Variants in HDHD2 observed in about 807,000 individuals in gnomAD.
The protein encoded by HDHD2 is haloacid dehalogenase like hydrolase domain containing 2.
In HDHD2, 26 loss-of-function variants were observed where a neutral mutation model predicts 24.8. The observed-to-expected ratio is 1.05, with a 90% CI of 0.77 to 1.45. The LOEUF is 1.45. HDHD2 is among the 40% of genes most tolerant of loss of function. The pLI is 0.00. For synonymous variants in HDHD2, 128 were observed against 114.9 expected, an observed-to-expected ratio of 1.11 and a Z score of -0.73; for missense variants, 299 against 313.4, an observed-to-expected ratio of 0.95 and a Z score of 0.35.
chr18:47,146,229 C>CAAAA (rs61430354), intron 1 of HDHD2, among the ~76,000 whole-genome samples: 1 of 58,942 alleles, frequency 1.7e-5, no homozygotes, highest in African/African-American at 5.9e-5. Context: ...GAATGTGTCT[C>CAAAA]AAAAAAAAAA....
chr18:47,142,241 A>G (rs550305025), intron 1 of HDHD2, among the ~76,000 whole-genome samples: 52 of 151,988 alleles, frequency 3.4e-4, no homozygotes, highest in Admixed American at 1.5e-3. Context: ...ATATGAAATT[A>G]AAGTTTTAGT....
chr18:47,134,771 T>C (rs1863268710), intron 2 of HDHD2, 67 bp from the exon 3 acceptor site: 2 of 1,322,666 alleles, frequency 1.5e-6, no homozygotes, highest in South Asian at 1.3e-5. Context: ...AATCTCCTAA[T>C]TTGTTAAAAC....
intron 4 of HDHD2, among the ~76,000 whole-genome samples, chr18:47,116,030 A>T (rs2063555899): frequency 1.3e-5 from 2 of 152,172 alleles, no homozygotes; most frequent in Admixed American, 6.5e-5. Context: ...AGACAAAAGG[A>T]CATAAAGAGT....
intron 1 of HDHD2, chr18:47,137,265 C>T: frequency 7.4e-6 from 4 of 540,578 alleles, no homozygotes; most frequent in South Asian, 7.1e-5. Flanking sequence ...GCTGAAGATA[C>T]AATGGATGTG....
At chr18:47,124,275 G>C (rs2063635275) in intron 4 of HDHD2, among the ~76,000 whole-genome samples, 1 of 152,100 alleles carries the variant, frequency 6.6e-6, no homozygotes, top group Non-Finnish European at 1.5e-5. Flanking sequence ...CAAAACAGAA[G>C]AAAATACTGA....
At position 47,108,126 on chromosome 18, in the gene HDHD2, A is replaced by T. The variant is rs1303443376; in HGVS notation, c.*556T>A. 6.5e-6 allele frequency: 1 copy of T among 152,676 alleles called. No homozygotes were observed. Among genetic ancestry groups the T allele is most frequent in the Admixed American group, 6.5e-5 (1 of 15,290 alleles). The allele number at this position is 152,676 out of a possible 1,614,324, so 9.5% of individuals were successfully genotyped here. On this transcript the variant is annotated 3_prime_UTR_variant, in exon 7 of 7. Coordinates refer to ENST00000300605, the MANE Select transcript of HDHD2 (RefSeq NM_032124.5). ...CACCCGTGCTGGGAATACAGTAGAAAATTTAGTTTTCAACATCTGTTAAAG... is the reference window on the plus strand; with the variant it reads ...CACCCGTGCTGGGAATACAGTAGAATATTTAGTTTTCAACATCTGTTAAAG...
chr18:47,132,280 TTTAA>T (rs2063720772), intron 3 of HDHD2, among the ~76,000 whole-genome samples: 1 of 152,216 alleles, frequency 6.6e-6, no homozygotes. Flanking sequence ...TTCATCATTA[TTTAA>T]TTTTCAGCTA....
In HDHD2 at chr18:47,139,464, C is replaced by CAAAA. The variant is rs760347919; in HGVS notation, c.-10-3019_-10-3016dup. 5.2e-4 allele frequency among the ~76,000 whole-genome samples: 26 copies of CAAAA among 50,470 alleles called. 1 individual carries two copies. The highest frequency in any genetic ancestry group is 1.9e-3 in the African/African-American group (25 of 13,250). The allele number at this position is 50,470 out of a possible 152,430, so 33.1% of individuals were successfully genotyped here. On this transcript the variant is annotated intron_variant, in intron 1 of 6. Coordinates refer to ENST00000300605, the MANE Select transcript of HDHD2 (RefSeq NM_032124.5). ...TGGGTGACAGAGCGAGACTCTGTCT[C>CAAAA]AAAAAAAAAAAAAAAAAAAAAAAAA...
chr18:47,110,438 A>G (rs1283308379), intron 6 of HDHD2: 1 of 985,280 alleles, frequency 1.0e-6, no homozygotes, highest in Non-Finnish European at 1.2e-6. Context: ...CAAGGTTTCT[A>G]TTTGATCTTA....
intron 6 of HDHD2, 35 bp downstream of exon 6, chr18:47,112,942 T>C: frequency 6.4e-7 from 1 of 1,556,994 alleles, no homozygotes; most frequent in African/African-American, 1.4e-5. Flanking sequence ...TCTACTATTC[T>C]GTTTTAGAAA....
Position 47,107,823 on chromosome 18 carries a change from T to C in HDHD2, c.*859A>G, listed in dbSNP as rs1022998727. The stretch of plus-strand genomic sequence containing the variant: ...TGAAATCTTGCAAATGTACAGTTAA[T>C]AGGACCCTAGTGGACACTAACTTCA... On this transcript the variant is annotated 3_prime_UTR_variant, in exon 7 of 7. Coordinates refer to ENST00000300605, the MANE Select transcript of HDHD2 (RefSeq NM_032124.5). The C allele has an allele frequency of 6.6e-6, 1 of 152,638 alleles. No individual in the cohort carries two copies. The highest frequency in any genetic ancestry group is 1.5e-5 in the Non-Finnish European group (1 of 68,026). The allele number at this position is 152,638 out of a possible 1,614,324, so 9.5% of individuals were successfully genotyped here.
intron 4 of HDHD2, 110 bp from the exon 5 acceptor site, chr18:47,115,458 T>C (rs2063551253): frequency 3.0e-6 from 2 of 666,614 alleles, no homozygotes; most frequent in Non-Finnish European, 5.1e-6. Flanking sequence ...CAGAAACAAA[T>C]AGTTTCTTAT....
intron 3 of HDHD2, among the ~76,000 whole-genome samples, chr18:47,132,725 C>T (rs1004780156): frequency 6.6e-6 from 1 of 152,226 alleles, no homozygotes; most frequent in African/African-American, 2.4e-5. Context: ...TGCCATTGCA[C>T]TCTAAGTATC....
Position 47,130,168 on chromosome 18 carries a change from C to T in HDHD2, c.395+76G>A, listed in dbSNP as rs1246594883. 7.9e-6 allele frequency: 7 copies of T among 882,798 alleles called. No homozygotes were observed. In the East Asian group the frequency reaches 1.7e-4, roughly 22 times the overall value. 54.7% of individuals were successfully genotyped at this position (882,798 alleles called of 1,614,324 possible). A position where few individuals can be genotyped will look rare whatever the true frequency, so the allele number is the denominator to read the frequency against. On this transcript the variant is annotated intron_variant, in intron 4 of 6. Transcript: ENST00000300605. ...TGGCCAGAAAGTAAAACACATAAAC[C>T]CATTCATGACAATGACAAAAGGAAA...
rs1430929348 is a variant in HDHD2 at position 47,134,672 on chromosome 18, A to G, written c.134T>C (p.Val45Ala). ...CTTGCTCTCTTTGGTTGTATTGGTC[A>G]CAAACCTAATGATTACAGAAGCACC... is the stretch of plus-strand genomic sequence containing the variant. ...LRGASVIIRFVTNTTKESKQD... is the reference protein window; with the variant it reads ...LRGASVIIRFATNTTKESKQD... Residue 45 changes from valine (V) to alanine (A), a missense_variant, in exon 3 of 7, where the codon GTG (valine) becomes GCG (alanine). By Grantham distance (64) the Val-to-Ala change is moderately conservative. Coordinates refer to ENST00000300605, the MANE Select transcript of HDHD2 (RefSeq NM_032124.5). 6.2e-7 allele frequency: 1 copy of G among 1,614,048 alleles called. No homozygotes were observed. The highest frequency in any genetic ancestry group is 1.3e-5 in the African/African-American group (1 of 74,926).
At chr18:47,115,378 T>C (rs1325830988) in intron 4 of HDHD2, 30 bp from the exon 5 acceptor site, 12 of 1,562,774 alleles carry the variant, frequency 7.7e-6, no homozygotes, top group Non-Finnish European at 9.7e-6. Flanking sequence ...AAAAAACAAA[T>C]TGGCTAAAAG....
intron 4 of HDHD2, among the ~76,000 whole-genome samples, chr18:47,124,706 CAAAA>C (rs34350751): frequency 2.3e-5 from 1 of 43,368 alleles, no homozygotes; most frequent in Non-Finnish European, 3.9e-5. Flanking sequence ...AACTCTGACT[CAAAA>C]AAAAAAAAAA....
At chr18:47,121,806 G>A (rs2063609746) in intron 4 of HDHD2, among the ~76,000 whole-genome samples, 2 of 152,144 alleles carry the variant, frequency 1.3e-5, no homozygotes, top group Admixed American at 1.3e-4. Flanking sequence ...AAAATGTCAA[G>A]CTCTTTCCTG....
intron 4 of HDHD2, among the ~76,000 whole-genome samples, chr18:47,116,798 G>A (rs2063561443): frequency 6.6e-6 from 1 of 152,150 alleles, no homozygotes; most frequent in African/African-American, 2.4e-5. Context: ...TTATGCAACA[G>A]ACCTCAAAAT....
Sources: allele counts gnomAD v4.1 joint callset (sites outside exome capture counted in the v4.1 genomes callset), GRCh38; gene constraint gnomAD v4.1.1; transcripts MANE v1.5; gene names NCBI Gene and HGNC (gene_info 2026-07-23, HGNC 2026-07-21).